The following FLT1 variants were observed in gnomAD, a reference collection of about 807,000 sequenced individuals.
FLT1 encodes the protein vascular endothelial growth factor receptor 1.
In FLT1, 49 loss-of-function variants were observed where a neutral mutation model predicts 156.3. The ratio of observed to expected loss-of-function variants is 0.31; its 90% confidence interval spans 0.25 to 0.40. The LOEUF (loss-of-function observed/expected upper bound fraction) is 0.40. Among genes scored for constraint, FLT1 ranks in the 10% least tolerant of loss-of-function variants. The pLI, the probability that FLT1 is intolerant of heterozygous loss-of-function variation, is 1.00. For synonymous variants in FLT1, 594 were observed against 583.8 expected (o/e 1.02, Z -0.25); for missense variants, 1,322 against 1,637.2 (o/e 0.81, Z 3.32).
chr13:28,344,715 C>T (rs1163633636), intron 16 of FLT1, among the ~76,000 whole-genome samples: 1 of 149,462 alleles, frequency 6.7e-6, no homozygotes, highest in African/African-American at 2.5e-5. Flanking sequence ...TGTGGTGTGA[C>T]TCAGAAAGTA....
At chr13:28,372,904 A>G (rs1873684455) in intron 14 of FLT1, among the ~76,000 whole-genome samples, 1 of 151,866 alleles carries the variant, frequency 6.6e-6, no homozygotes, top group Non-Finnish European at 1.5e-5. Flanking sequence ...TAAATAAAAT[A>G]AAAATGAAAC....
At chr13:28,434,014 C>G (rs1877872604) in intron 5 of FLT1, 44 bp downstream of exon 5, 1 of 1,613,730 alleles carries the variant, frequency 6.2e-7, no homozygotes, top group African/African-American at 1.3e-5. Context: ...GATAAAAATA[C>G]AGAGCACTTC....
chr13:28,427,055 A>G (rs1362395068), intron 10 of FLT1, 104 bp downstream of exon 10: 9 of 1,088,474 alleles, frequency 8.3e-6, no homozygotes, highest in Non-Finnish European at 1.3e-5. Context: ...CCTCAAATAT[A>G]CAGTACATCC....
intron 1 of FLT1, among the ~76,000 whole-genome samples, chr13:28,486,135 AG>A (rs1340505401): frequency 1.3e-5 from 2 of 152,250 alleles, no homozygotes; most frequent in African/African-American, 4.8e-5. Flanking sequence ...TGAAAATAAA[AG>A]CACCAAAGTG....
At chr13:28,441,745 A>G (rs1878346241) in intron 3 of FLT1, among the ~76,000 whole-genome samples, 2 of 152,148 alleles carry the variant, frequency 1.3e-5, no homozygotes, top group Non-Finnish European at 2.9e-5. Flanking sequence ...GTTTGAGACC[A>G]GCCTGGGCAA....
intron 14 of FLT1, among the ~76,000 whole-genome samples, chr13:28,360,980 A>G (rs1156231343): frequency 6.6e-6 from 1 of 152,132 alleles, no homozygotes; most frequent in Non-Finnish European, 1.5e-5. Context: ...TTATTTGCCA[A>G]TTAAAGAAAT....
intron 10 of FLT1, among the ~76,000 whole-genome samples, chr13:28,420,531 C>G (rs564457340): frequency 6.6e-6 from 1 of 152,118 alleles, no homozygotes; most frequent in African/African-American, 2.4e-5. Context: ...GGTATGTGAC[C>G]GTATTTCCAA....
intron 16 of FLT1, among the ~76,000 whole-genome samples, chr13:28,344,010 C>G (rs1023258438): frequency 1.3e-5 from 2 of 151,326 alleles, no homozygotes; most frequent in African/African-American, 2.4e-5. Flanking sequence ...CACTCTTGCC[C>G]CCCACCACCC....
chr13:28,417,407 C>T (rs1346190051), intron 10 of FLT1, among the ~76,000 whole-genome samples: 1 of 152,082 alleles, frequency 6.6e-6, no homozygotes. Context: ...CCACCTCCTC[C>T]TTGGTGCGGC....
chr13:28,336,156 G>A (rs757631302), intron 17 of FLT1, among the ~76,000 whole-genome samples: 47 of 152,294 alleles, frequency 3.1e-4, no homozygotes, highest in African/African-American at 1.1e-3. Context: ...CCCACATCCC[G>A]TCTTAGCCGT....
At chr13:28,309,226 G>C (rs903150301) in intron 27 of FLT1, among the ~76,000 whole-genome samples, 2 of 152,214 alleles carry the variant, frequency 1.3e-5, no homozygotes, top group Admixed American at 6.5e-5. Flanking sequence ...GCATCATCTC[G>C]TCTGAGTGCC....
intron 14 of FLT1, among the ~76,000 whole-genome samples, chr13:28,360,830 G>A (rs1241103439): frequency 2.0e-5 from 3 of 152,282 alleles, no homozygotes; most frequent in East Asian, 1.9e-4. Context: ...AGCTAAAAGA[G>A]GATTTTAAGT....
intron 25 of FLT1, among the ~76,000 whole-genome samples, chr13:28,313,538 C>T (rs776167971): frequency 6.6e-6 from 1 of 152,150 alleles, no homozygotes; most frequent in Non-Finnish European, 1.5e-5. Flanking sequence ...GAATTTGGCT[C>T]TGGGTGGGAA....
At chr13:28,451,668 A>T (rs1439528121) in intron 3 of FLT1, among the ~76,000 whole-genome samples, 1 of 147,662 alleles carries the variant, frequency 6.8e-6, no homozygotes, top group Non-Finnish European at 1.5e-5. Context: ...GAGGGGAGGC[A>T]GGAGTCAGGG....
At chr13:28,425,481 A>G (rs548570823) in intron 10 of FLT1, among the ~76,000 whole-genome samples, 4 of 152,274 alleles carry the variant, frequency 2.6e-5, no homozygotes, top group Middle Eastern at 3.4e-3. Flanking sequence ...ACAAAGTTCC[A>G]TTCGAGGTGG....
intron 18 of FLT1, among the ~76,000 whole-genome samples, chr13:28,332,153 G>C (rs1057371533): frequency 2.0e-5 from 3 of 152,268 alleles, no homozygotes; most frequent in Non-Finnish European, 4.4e-5. Context: ...GCTTGAGCCT[G>C]AGAGGCAGAG....
chr13:28,484,896 G>A (rs752950407), intron 1 of FLT1, among the ~76,000 whole-genome samples: 52 of 146,914 alleles, frequency 3.5e-4, no homozygotes, highest in African/African-American at 6.3e-4. Context: ...CGTACCTCTC[G>A]GGACTGAGTA....
At chr13:28,467,285 GAAC>G (rs1879904036) in intron 2 of FLT1, among the ~76,000 whole-genome samples, 156 bp from the exon 3 acceptor site, 1 of 152,036 alleles carries the variant, frequency 6.6e-6, no homozygotes, top group Non-Finnish European at 1.5e-5. Flanking sequence ...AAAAGCTGTA[GAAC>G]AATACTCAGA....
chr13:28,340,635 T>G (rs1168061789), intron 16 of FLT1, among the ~76,000 whole-genome samples: 1 of 152,066 alleles, frequency 6.6e-6, no homozygotes, highest in Non-Finnish European at 1.5e-5. Flanking sequence ...GGGATCAGAG[T>G]TGGAATGGAG....
Sources: allele counts gnomAD v4.1 joint callset (sites outside exome capture counted in the v4.1 genomes callset), GRCh38; gene constraint gnomAD v4.1.1; transcripts MANE v1.5; gene names NCBI Gene and HGNC (gene_info 2026-07-23, HGNC 2026-07-21).